Variants in CTNNA3 observed in about 807,000 individuals in gnomAD.
CTNNA3 encodes the protein catenin alpha 3, also known as catenin alpha-3.
Under a neutral mutation model 95.7 loss-of-function variants are expected in CTNNA3, and 76 were observed. The ratio of observed to expected loss-of-function variants is 0.79; its 90% CI spans 0.66 to 0.96. The LOEUF (loss-of-function observed/expected upper bound fraction) is 0.96, where lower values mean the gene tolerates loss of function less well. Ranked by LOEUF, CTNNA3 falls within the 40% of genes least tolerant of loss-of-function variation. The probability of loss-of-function intolerance (pLI) is 0.00; values close to 1 mark genes in which losing one functional copy is unlikely to be tolerated. For synonymous variants in CTNNA3, 431 were observed against 374.4 expected (o/e 1.15, Z -1.74); for missense variants, 1,191 against 1,089.8 (o/e 1.09, Z -1.31).
At chr10:67,018,757 A>G (rs1033783459) in intron 7 of CTNNA3, among the ~76,000 whole-genome samples, 5 of 152,224 alleles carry the variant, frequency 3.3e-5, no homozygotes, top group African/African-American at 1.2e-4. Context: ...GTGAAGATTA[A>G]AGGAGTTAAT....
intron 15 of CTNNA3, among the ~76,000 whole-genome samples, chr10:66,023,747 C>G (rs1193036867): frequency 6.6e-6 from 1 of 152,122 alleles, no homozygotes; most frequent in Non-Finnish European, 1.5e-5. Flanking sequence ...AGAAGATGGT[C>G]TACAGAAACT....
intron 7 of CTNNA3, among the ~76,000 whole-genome samples, chr10:67,007,809 A>G (rs1852093246): frequency 1.3e-5 from 2 of 152,106 alleles, no homozygotes; most frequent in Non-Finnish European, 2.9e-5. Flanking sequence ...CTCAAAAGTT[A>G]CACATAACAT....
chr10:66,732,283 AC>A (rs1848986792), intron 9 of CTNNA3, among the ~76,000 whole-genome samples: 2 of 152,112 alleles, frequency 1.3e-5, no homozygotes, highest in South Asian at 4.1e-4. Flanking sequence ...AAAAATCTAG[AC>A]CTCTCTCTCT....
chr10:66,869,463 C>T (rs1240578057), intron 7 of CTNNA3, among the ~76,000 whole-genome samples: 1 of 152,052 alleles, frequency 6.6e-6, no homozygotes, highest in East Asian at 1.9e-4. Flanking sequence ...ATCCCAGCTA[C>T]TCAGGAGGCT....
intron 7 of CTNNA3, among the ~76,000 whole-genome samples, chr10:66,975,375 T>A (rs1162183692): frequency 6.6e-6 from 1 of 152,236 alleles, no homozygotes; most frequent in East Asian, 1.9e-4. Context: ...TAGGTAAGGA[T>A]GTACTTGACT....
chr10:66,914,130 CTTT>C (rs3056545), intron 7 of CTNNA3, among the ~76,000 whole-genome samples: 12 of 120,266 alleles, frequency 1.0e-4, no homozygotes, highest in African/African-American at 1.3e-4. Flanking sequence ...AGGGTGCCTT[CTTT>C]TTTTTTTTTT....
At chr10:65,932,797 T>A (rs1028762247) in intron 17 of CTNNA3, among the ~76,000 whole-genome samples, 1 of 152,170 alleles carries the variant, frequency 6.6e-6, no homozygotes. Context: ...TAAAATTTTT[T>A]AAAAATCCTT....
At chr10:66,532,065 C>T (rs1225455626) in intron 10 of CTNNA3, among the ~76,000 whole-genome samples, 3 of 152,120 alleles carry the variant, frequency 2.0e-5, no homozygotes, top group Admixed American at 1.3e-4. Context: ...CAAAGTTTCT[C>T]TTTAATGTAC....
chr10:66,825,100 G>A (rs1380473647), intron 7 of CTNNA3, among the ~76,000 whole-genome samples: 1 of 150,922 alleles, frequency 6.6e-6, no homozygotes, highest in Non-Finnish European at 1.5e-5. Context: ...ACAGGCCAGA[G>A]TGTGCCCTTA....
chr10:66,237,130 A>G (rs76580199), intron 13 of CTNNA3, among the ~76,000 whole-genome samples: 3,665 of 152,228 alleles, frequency 0.024, 96 homozygotes, highest in African/African-American at 0.066. Flanking sequence ...ACTAATGATC[A>G]TAATAATAAC....
intron 13 of CTNNA3, among the ~76,000 whole-genome samples, chr10:66,216,893 T>C (rs1188626606): frequency 6.6e-6 from 1 of 152,176 alleles, no homozygotes; most frequent in Non-Finnish European, 1.5e-5. Flanking sequence ...TATAGATTCT[T>C]GTAACTACCA....
At chr10:67,342,099 C>CTTTTTTTTTTTTTTTTTTTTTTTTTT (rs764381058) in intron 5 of CTNNA3, among the ~76,000 whole-genome samples, 2 of 83,660 alleles carry the variant, frequency 2.4e-5, no homozygotes, top group Non-Finnish European at 4.3e-5. Context: ...TATTTTTCTT[C>CTTTTTTTTTTTTTTTTTTTTTTTTTT]TTTTTTTTTT....
chr10:66,585,766 T>C (rs936178553), intron 10 of CTNNA3, among the ~76,000 whole-genome samples: 42 of 152,146 alleles, frequency 2.8e-4, no homozygotes, highest in African/African-American at 9.9e-4. Flanking sequence ...AAAGATTTCA[T>C]CTTGATTTGG....
chr10:67,745,764 T>C (rs1841372115), intron 1 of CTNNA3, among the ~76,000 whole-genome samples: 2 of 152,014 alleles, frequency 1.3e-5, no homozygotes, highest in East Asian at 3.9e-4. Flanking sequence ...AATCAGTAAC[T>C]TTATATATGT....
chr10:67,509,768 C>T (rs1176154261), intron 5 of CTNNA3, among the ~76,000 whole-genome samples: 2 of 152,230 alleles, frequency 1.3e-5, no homozygotes, highest in African/African-American at 2.4e-5. Context: ...AATTGCCACA[C>T]TGTCTTCCAC....
intron 7 of CTNNA3, among the ~76,000 whole-genome samples, chr10:67,080,525 G>A (rs10997498): frequency 0.35 from 52,994 of 151,964 alleles, 9,642 homozygotes; most frequent in Middle Eastern, 0.53. Context: ...GGAAATTTAT[G>A]TTTTATTATT....
intron 5 of CTNNA3, among the ~76,000 whole-genome samples, chr10:67,305,141 T>TG (rs1484020314): frequency 5.9e-5 from 9 of 151,464 alleles, no homozygotes; most frequent in Non-Finnish European, 1.2e-4. Context: ...CAGGGAGTGG[T>TG]GGGGGGCGCC....
intron 17 of CTNNA3, among the ~76,000 whole-genome samples, chr10:65,929,623 C>T (rs1316593638): frequency 3.3e-5 from 5 of 149,490 alleles, no homozygotes; most frequent in African/African-American, 1.2e-4. Flanking sequence ...GGCTGGAGTA[C>T]AGTGGCGCAA....
chr10:65,956,365 G>A (rs925759185), intron 17 of CTNNA3, among the ~76,000 whole-genome samples: 2 of 152,102 alleles, frequency 1.3e-5, no homozygotes, highest in African/African-American at 4.8e-5. Flanking sequence ...AATTTTTGAA[G>A]GGTTTTTTGT....
Sources: allele counts gnomAD v4.1 joint callset (sites outside exome capture counted in the v4.1 genomes callset), GRCh38; gene constraint gnomAD v4.1.1; transcripts MANE v1.5; gene names NCBI Gene and HGNC (gene_info 2026-07-23, HGNC 2026-07-21).